The following COL11A2 variants were observed in gnomAD, a reference collection of about 807,000 sequenced individuals.
The protein encoded by COL11A2 is collagen type XI alpha 2 chain.
COL11A2 carries 116 observed loss-of-function variants against 273.4 expected under a neutral mutation model. The ratio of observed to expected loss-of-function variants is 0.42; its 90% confidence interval spans 0.36 to 0.49. The LOEUF (loss-of-function observed/expected upper bound fraction) is 0.49, where lower values mean the gene tolerates loss of function less well. COL11A2 is among the 20% of genes least tolerant of loss of function. The pLI, the probability that COL11A2 is intolerant of heterozygous loss-of-function variation, is 0.00. For synonymous variants in COL11A2, 782 were observed against 864.2 expected, an observed-to-expected ratio of 0.90 and a Z score of 1.67; for missense variants, 1,866 against 2,309.0, an observed-to-expected ratio of 0.81 and a Z score of 3.93.
rs1252646206 is a variant in COL11A2, at chr6:33,188,438, C to A, written c.530G>T (p.Arg177Leu). ...GGTGTCCAATACTGGACGAGCACTT[C>A]GGGGGAGAGGCCGGGTGACTCGCTT... ...CKKRVTRPLP[R>L]SARPVLDTHG... Residue 177 changes from arginine to leucine, a missense_variant, in exon 4 of 66, where the codon CGA becomes CTA. By Grantham distance (102) the Arg-to-Leu change is moderately radical. Transcript: ENST00000341947. 6.2e-7 allele frequency: 1 copy of A among 1,612,982 alleles called. No homozygotes were observed. The highest frequency in any genetic ancestry group is 1.3e-5 in the African/African-American group (1 of 75,004).
At chr6:33,186,852 T>C in intron 4 of COL11A2, 34 bp from the exon 5 acceptor site, 4 of 1,612,802 alleles carry the variant, frequency 2.5e-6, no homozygotes, top group Non-Finnish European at 3.4e-6. Context: ...AGCGGAGAGA[T>C]TCAGAGAGAG....
chr6:33,178,570 A>G lies in COL11A2; in HGVS notation c.1720-82T>C, dbSNP rs1771256261. 1 of 1,608,458 alleles carries G rather than the reference A, an allele frequency of 6.2e-7. No homozygotes were observed. Among genetic ancestry groups the G allele is most frequent in the East Asian group, 2.2e-5 (1 of 44,828 alleles). On this transcript the variant is annotated intron_variant, in intron 18 of 65. Transcript: ENST00000341947. The surrounding 1 kb of genome is among the most constrained non-coding windows in gnomAD (Gnocchi z 4.6). Reference sequence around the variant, plus strand: ...CCGAACCTCTGCACTTAGCCCATCCATTACTTTCACTGAGCTCCTGCCAAG... The same window carrying G: ...CCGAACCTCTGCACTTAGCCCATCCGTTACTTTCACTGAGCTCCTGCCAAG...
Position 33,171,462 on chromosome 6 carries a change from C to T in COL11A2, c.3258+5G>A, listed in dbSNP as rs1192364707. On this transcript the variant is annotated splice_donor_5th_base_variant and intron_variant, in intron 43 of 65. Coordinates refer to ENST00000341947, the MANE Select transcript of COL11A2 (RefSeq NM_080680.3). The stretch of plus-strand genomic sequence containing the variant: ...GATTGGTCGGGGTCTGTGGGGTCCC[C>T]TCACCTTGTCTCCATCCTCTCCAGC... 16 of 1,613,706 alleles carry T rather than the reference C, an allele frequency of 9.9e-6. No individual in the cohort carries two copies. Among genetic ancestry groups the T allele is most frequent in the Non-Finnish European group, 1.4e-5 (16 of 1,179,846 alleles).
intron 12 of COL11A2, 75 bp downstream of exon 12, chr6:33,180,183 A>G: frequency 1.4e-6 from 2 of 1,409,412 alleles, no homozygotes; most frequent in Non-Finnish European, 2.0e-6. Context: ...TTTCCTGCCC[A>G]TCTGGTTCTT....
chr6:33,170,783 C>T lies in COL11A2; in HGVS notation c.3474+27G>A. On this transcript the variant is annotated intron_variant, in intron 46 of 65. Coordinates refer to ENST00000341947, the MANE Select transcript of COL11A2 (RefSeq NM_080680.3). The surrounding 1 kb of genome is among the most constrained non-coding windows in gnomAD (Gnocchi z 4.3). ...ATCACCCCATCCTGACCCCACCTCTCAGCCCCTGTCCTATCCCCCAACACA... is the reference window on the plus strand; with the variant it reads ...ATCACCCCATCCTGACCCCACCTCTTAGCCCCTGTCCTATCCCCCAACACA... 1.2e-6 allele frequency: 2 copies of T among 1,609,712 alleles called. No individual in the cohort carries two copies. The highest frequency in any genetic ancestry group is 1.7e-6 in the Non-Finnish European group (2 of 1,177,208).
At chr6:33,172,997 G>A in intron 38 of COL11A2, 63 bp downstream of exon 38, 1 of 1,554,978 alleles carries the variant, frequency 6.4e-7, no homozygotes, top group Non-Finnish European at 8.9e-7. Context: ...GTGACCGAGA[G>A]AAGAGGGGCA....
chr6:33,183,801 G>A (rs1361175037), intron 8 of COL11A2, among the ~76,000 whole-genome samples: 2 of 151,836 alleles, frequency 1.3e-5, no homozygotes, highest in Non-Finnish European at 2.9e-5. Context: ...CACTGAAAAT[G>A]GACACAAGGT....
chr6:33,192,039 A>T lies in COL11A2; in HGVS notation c.82+120T>A, dbSNP rs1285560159. On this transcript the variant is annotated intron_variant, in intron 1 of 65. Coordinates refer to ENST00000341947, the MANE Select transcript of COL11A2 (RefSeq NM_080680.3). ...CCTGCCCTCCAGCCTGTAGCCTTGAAGCCCCAAATCTCCTTGTTAGACTCA... is the reference window on the plus strand; with the variant it reads ...CCTGCCCTCCAGCCTGTAGCCTTGATGCCCCAAATCTCCTTGTTAGACTCA... 4.3e-6 allele frequency: 4 copies of T among 920,926 alleles called. No homozygotes were observed. The African/African-American group carries it at 6.6e-5, about 15-fold the overall frequency. The allele number at this position is 920,926 out of a possible 1,614,324, so 57.0% of individuals were successfully genotyped here.
Position 33,173,780 on chromosome 6 carries a change from G to A in COL11A2, c.2584-35C>T, listed in dbSNP as rs142037258. 9.0e-5 allele frequency: 144 copies of A among 1,607,288 alleles called. No individual in the cohort carries two copies. The highest frequency in any genetic ancestry group is 1.2e-4 in the Non-Finnish European group (141 of 1,174,934). On this transcript the variant is annotated intron_variant, in intron 34 of 65. Coordinates refer to ENST00000341947, the MANE Select transcript of COL11A2 (RefSeq NM_080680.3). This position sits in a 1 kb window ranked among gnomAD's most constrained non-coding sequence, Gnocchi z 6.3. ...GAAACAGAGTCAAGGAGTGGGAAGA[G>A]CTGCTTTCCAGCTGTCCCCGAGGTC...
chr6:33,188,269 AG>A, intron 4 of COL11A2, 92 bp downstream of exon 4: 1 of 1,437,146 alleles, frequency 7.0e-7, no homozygotes, highest in Non-Finnish European at 9.8e-7. Context: ...ATGAAGGCCT[AG>A]GGAATAGGAA....
chr6:33,169,252 C>G lies in COL11A2; in HGVS notation c.3798+131G>C. On this transcript the variant is annotated intron_variant, in intron 51 of 65. Transcript: ENST00000341947. This position sits in a 1 kb window ranked among gnomAD's most constrained non-coding sequence, Gnocchi z 5.5. Reference sequence around the variant, plus strand: ...AGACCCCAGGCATCCCTCTGGATGCCCCATTCCCAGAGCATCCCCCAAACT... The same window carrying G: ...AGACCCCAGGCATCCCTCTGGATGCGCCATTCCCAGAGCATCCCCCAAACT... The G allele has an allele frequency of 1.2e-6, 1 of 868,028 alleles. No homozygotes were observed. Among genetic ancestry groups the G allele is most frequent in the African/African-American group, 1.7e-5 (1 of 59,710 alleles). 53.8% of individuals were successfully genotyped at this position (868,028 alleles called of 1,614,324 possible). A position where few individuals can be genotyped will look rare whatever the true frequency, so the allele number is the denominator to read the frequency against.
chr6:33,181,094 T>A lies in COL11A2; in HGVS notation c.1179+17A>T. 6.2e-7 allele frequency: 1 copy of A among 1,614,156 alleles called. No individual in the cohort carries two copies. Among genetic ancestry groups the A allele is most frequent in the East Asian group, 2.2e-5 (1 of 44,872 alleles). ...TCCTATTTCCACTGCCTCAGCCCTGTGACCAGCATAACTTACAGGTTCCAA... is the reference window on the plus strand; with the variant it reads ...TCCTATTTCCACTGCCTCAGCCCTGAGACCAGCATAACTTACAGGTTCCAA... On this transcript the variant is annotated intron_variant, in intron 9 of 65. Coordinates refer to ENST00000341947, the MANE Select transcript of COL11A2 (RefSeq NM_080680.3).
chr6:33,179,587 C>A lies in COL11A2; in HGVS notation c.1447-100G>T. ...CCCTTCCTCTCCTGATCCTCATCCA[C>A]TGCCCAGGATTCTCCCCAACCTCCC... On this transcript the variant is annotated intron_variant, in intron 13 of 65. Coordinates refer to ENST00000341947, the MANE Select transcript of COL11A2 (RefSeq NM_080680.3). This position sits in a 1 kb window ranked among gnomAD's most constrained non-coding sequence, Gnocchi z 6.4. 2 of 1,447,672 alleles carry A rather than the reference C, an allele frequency of 1.4e-6. No homozygotes were observed. Among genetic ancestry groups the A allele is most frequent in the Non-Finnish European group, 9.5e-7 (1 of 1,053,692 alleles). The allele number at this position is 1,447,672 out of a possible 1,614,324, so 89.7% of individuals were successfully genotyped here.
Position 33,192,151 on chromosome 6 carries a change from C to T in COL11A2, c.82+8G>A, listed in dbSNP as rs1562396622. On this transcript the variant is annotated splice_region_variant and intron_variant, in intron 1 of 65. Transcript: ENST00000341947. ...CTCCGAGGACCCAGGCATCAGGACT[C>T]CTCTTACCTGCCCAGCCTGGGGCCG... The T allele has an allele frequency of 1.3e-6, 2 of 1,554,002 alleles. No individual in the cohort carries two copies. The highest frequency in any genetic ancestry group is 1.9e-5 in the Admixed American group (1 of 51,310).
At position 33,178,120 on chromosome 6, in the gene COL11A2, G is replaced by A; in HGVS notation, c.1872+12C>T. The A allele has an allele frequency of 6.2e-7, 1 of 1,606,318 alleles. No individual in the cohort carries two copies. The highest frequency in any genetic ancestry group is 1.1e-5 in the South Asian group (1 of 90,300). ...GGGTCACCTCAGGGTCAGAAGTCAG[G>A]GAGTCACTTACAGGGGGTCCAGGAA... On this transcript the variant is annotated intron_variant, in intron 21 of 65. Coordinates refer to ENST00000341947, the MANE Select transcript of COL11A2 (RefSeq NM_080680.3). This position sits in a 1 kb window ranked among gnomAD's most constrained non-coding sequence, Gnocchi z 4.6.
intron 4 of COL11A2, 88 bp from the exon 5 acceptor site, chr6:33,186,906 T>C (rs1772492854): frequency 6.4e-7 from 1 of 1,573,736 alleles, no homozygotes; most frequent in African/African-American, 1.3e-5. Flanking sequence ...AGGCCAATCC[T>C]AGGTAAAACC....
intron 54 of COL11A2, among the ~76,000 whole-genome samples, 159 bp downstream of exon 54, chr6:33,168,360 T>C (rs530192795): frequency 6.6e-6 from 1 of 150,536 alleles, no homozygotes; most frequent in South Asian, 2.1e-4. Context: ...GGCAATGAGA[T>C]ACCACACGCC....
rs186720023 is a variant in COL11A2 at position 33,163,674 on chromosome 6, G to A, written c.*4C>T. The A allele has an allele frequency of 2.1e-3, 3,365 of 1,612,986 alleles. 7 individuals carry two copies. Among genetic ancestry groups the A allele is most frequent in the Non-Finnish European group, 2.3e-3 (2,757 of 1,180,000 alleles). ...CGAATGGACAGGATCAGACAGAGACGGTCCTATCCCATGAAGCAGACAGGC... is the reference window on the plus strand; with the variant it reads ...CGAATGGACAGGATCAGACAGAGACAGTCCTATCCCATGAAGCAGACAGGC... On this transcript the variant is annotated 3_prime_UTR_variant, in exon 66 of 66. Transcript: ENST00000341947. This position sits in a 1 kb window ranked among gnomAD's most constrained non-coding sequence, Gnocchi z 4.1.
chr6:33,174,637 C>T, intron 30 of COL11A2, 57 bp from the exon 31 acceptor site: 2 of 1,550,128 alleles, frequency 1.3e-6, no homozygotes, highest in South Asian at 1.1e-5. Context: ...CCACTCCACC[C>T]CTGGAGACCT....
Sources: allele counts gnomAD v4.1 joint callset (sites outside exome capture counted in the v4.1 genomes callset), GRCh38; gene constraint gnomAD v4.1.1; non-coding constraint Gnocchi (gnomAD v3.1); transcripts MANE v1.5; gene names NCBI Gene and HGNC (gene_info 2026-07-23, HGNC 2026-07-21).